MXD3: variants seen among roughly 807,000 people sequenced by gnomAD.
MXD3 encodes MAX dimerization protein 3, also known as Max-associated protein 3.
MXD3 carries 20 observed loss-of-function variants against 27.5 expected under a neutral mutation model. The observed-to-expected ratio is 0.73, with a 90% CI of 0.51 to 1.06. The LOEUF (loss-of-function observed/expected upper bound fraction) is 1.06. Ranked by LOEUF, MXD3 falls within the 50% of genes least tolerant of loss-of-function variation. The probability of loss-of-function intolerance (pLI) is 0.00; values close to 1 mark genes in which losing one functional copy is unlikely to be tolerated. For synonymous variants in MXD3, 150 were observed against 130.7 expected (o/e 1.15, Z -1.01); for missense variants, 298 against 291.3 (o/e 1.02, Z -0.17).
At chr5:177,311,680 C>T (rs1761043442) in intron 1 of MXD3, 81 bp downstream of exon 1, 9 of 1,455,810 alleles carry the variant, frequency 6.2e-6, no homozygotes, top group Non-Finnish European at 8.4e-6. Flanking sequence ...GCGGTGCATC[C>T]TTCAAGCTGG....
chr5:177,311,326 C>A (rs1021694053), intron 2 of MXD3, 53 bp downstream of exon 2: 1 of 1,258,404 alleles, frequency 7.9e-7, no homozygotes, highest in East Asian at 3.1e-5. Context: ...GAGGGCCCGA[C>A]CAGGGGCGGC....
chr5:177,311,816 G>A lies in MXD3; in HGVS notation c.15C>T (p.Ala5=). MEPL[A]SNIQVLLQAA... is the part of the protein sequence containing the mutation. The stretch of plus-strand genomic sequence containing the variant: ...CCTGCAGCAGGACCTGGATGTTGCT[G>A]GCCAAGGGTTCCATGTCGGCGACAG... The change falls in exon 1 of 6, where the codon GCC becomes GCT. Residue 5 remains alanine, a synonymous_variant. Coordinates refer to ENST00000439742, the MANE Select transcript of MXD3 (RefSeq NM_031300.4). 2 of 1,612,696 alleles carry A rather than the reference G, an allele frequency of 1.2e-6. No individual in the cohort carries two copies. The highest frequency in any genetic ancestry group is 1.7e-6 in the Non-Finnish European group (2 of 1,179,314).
chr5:177,305,954 T>G (rs779930452), downstream of MXD3: 2 of 1,614,174 alleles, frequency 1.2e-6, no homozygotes, highest in South Asian at 2.2e-5. Context: ...GGGTCTCCTC[T>G]AGCTTATTTG....
At chr5:177,311,638 A>G (rs747683541) in intron 1 of MXD3, 123 bp downstream of exon 1, 395 of 1,194,458 alleles carry the variant, frequency 3.3e-4, no homozygotes, top group Non-Finnish European at 4.3e-4. Flanking sequence ...TCTCGAGTTG[A>G]GGGCGAGGCG....
In MXD3 at chr5:177,307,916, G is replaced by A. The variant is rs765716696; in HGVS notation, c.370C>T (p.Arg124Cys). 2.4e-5 allele frequency: 38 copies of A among 1,594,682 alleles called. No homozygotes were observed. The highest frequency in any genetic ancestry group is 7.9e-5 in the South Asian group (7 of 88,922). Reference sequence around the variant, plus strand: ...CGCTGCAGGCTCTGCTGCTTGCTGCGCAGCCTCTCCTTGAGCTGTCGGGCC... The same window carrying A: ...CGCTGCAGGCTCTGCTGCTTGCTGCACAGCCTCTCCTTGAGCTGTCGGGCC... ...QRARQLKERL[R>C]SKQQSLQRQL... The change falls in exon 5 of 6, where the codon CGC becomes TGC. Residue 124 changes from arginine to cysteine, a missense_variant. Transcript: ENST00000439742.
At chr5:177,311,613 C>T in intron 1 of MXD3, 129 bp from the exon 2 acceptor site, 2 of 1,139,138 alleles carry the variant, frequency 1.8e-6, no homozygotes, top group South Asian at 1.7e-5. Context: ...CCCTGCTCTA[C>T]CGCCCCGGGA....
chr5:177,308,959 G>A (rs1475964470), intron 4 of MXD3, among the ~76,000 whole-genome samples: 2 of 152,178 alleles, frequency 1.3e-5, no homozygotes, highest in African/African-American at 2.4e-5. Flanking sequence ...GCTTACATTC[G>A]GTCATTCAAC....
chr5:177,306,836 T>G, downstream of MXD3: 1 of 728,510 alleles, frequency 1.4e-6, no homozygotes. Context: ...GCAGGTTAAC[T>G]GGCGGTAAGT....
In MXD3 at chr5:177,311,367, C is replaced by T. The variant is rs374638391; in HGVS notation, c.176+12G>A. On this transcript the variant is annotated intron_variant, in intron 2 of 5. Transcript: ENST00000439742. ...CCCCCACCCCCACTCCCGCCGCCCC[C>T]GGCCTCCTCACCGCCCGCTGTCCTG... The T allele has an allele frequency of 1.4e-6, 2 of 1,434,588 alleles. No homozygotes were observed. The highest frequency in any genetic ancestry group is 1.5e-5 in the South Asian group (1 of 65,502). 88.9% of individuals were successfully genotyped at this position (1,434,588 alleles called of 1,614,324 possible).
chr5:177,310,226 G>C (rs938347680), intron 4 of MXD3, among the ~76,000 whole-genome samples, 200 bp downstream of exon 4: 5 of 152,216 alleles, frequency 3.3e-5, no homozygotes, highest in African/African-American at 4.8e-5. Flanking sequence ...ACTCATTTAA[G>C]CCTCAACAAC....
chr5:177,305,783 G>A (rs188208293), downstream of MXD3: 73 of 1,064,956 alleles, frequency 6.9e-5, no homozygotes, highest in Non-Finnish European at 4.7e-5. Context: ...GTATTGCTTC[G>A]CCTCATGAAA....
chr5:177,311,506 C>T (rs1168451014), intron 1 of MXD3, 22 bp from the exon 2 acceptor site: 1 of 1,419,336 alleles, frequency 7.0e-7, no homozygotes, highest in East Asian at 2.7e-5. Flanking sequence ...AGTCCCCGCC[C>T]GCGTCAGGCT....
chr5:177,311,942 G>A, upstream of MXD3: 2 of 1,252,662 alleles, frequency 1.6e-6, no homozygotes, highest in African/African-American at 1.6e-5. Flanking sequence ...GGCCCGCCCC[G>A]CCCCCGGGAC....
In MXD3 at chr5:177,310,472, C is replaced by A; in HGVS notation, c.275G>T (p.Arg92Leu). ...QQMPLGADCARYTTLSLLRRA... is the reference protein window; with the variant it reads ...QQMPLGADCALYTTLSLLRRA... ...GCGCAGCAGGCTCAGCGTGGTGTAC[C>A]GGGCACAGTCGGCCCCCAGGGGCAT... is the stretch of plus-strand genomic sequence containing the variant. Residue 92 changes from arginine to leucine, a missense_variant, in exon 4 of 6, where the codon CGG (arginine) becomes CTG (leucine). Physicochemically the swap from Arg to Leu is moderately radical, Grantham distance 102. Transcript: ENST00000439742. 6.2e-7 allele frequency: 1 copy of A among 1,613,130 alleles called. No individual in the cohort carries two copies. The highest frequency in any genetic ancestry group is 1.7e-5 in the Admixed American group (1 of 59,954).
At chr5:177,312,305 G>A (rs1334429419), upstream of MXD3, 6 of 986,508 alleles carry the variant, frequency 6.1e-6, no homozygotes, top group East Asian at 5.7e-4. Flanking sequence ...CGGGGCCTCC[G>A]GCCGCCGCTC....
At chr5:177,312,218 CAT>C, upstream of MXD3, 1 of 991,422 alleles carries the variant, frequency 1.0e-6, no homozygotes, top group Non-Finnish European at 1.2e-6. Flanking sequence ...TAGCCCCCAA[CAT>C]AGCACGGCGC....
intron 2 of MXD3, chr5:177,311,067 G>A (rs972604672): frequency 1.9e-6 from 1 of 536,710 alleles, no homozygotes; most frequent in African/African-American, 1.9e-5. Flanking sequence ...GCTGGGGAGA[G>A]GAGAGAAGAG....
chr5:177,306,815 C>T, downstream of MXD3: 1 of 761,410 alleles, frequency 1.3e-6, no homozygotes, highest in South Asian at 1.9e-5. Context: ...GCCCGGGGCT[C>T]CAGGTAGCCT....
In MXD3 at chr5:177,307,845, C is replaced by T. The variant is rs1237594294; in HGVS notation, c.441G>A (p.Glu147=). 18 of 1,610,926 alleles carry T rather than the reference C, an allele frequency of 1.1e-5. No homozygotes were observed. The highest frequency in any genetic ancestry group is 1.4e-5 in the Non-Finnish European group (16 of 1,179,124). Residue 147 remains glutamate (E), a synonymous_variant, in exon 5 of 6, where the codon GAG becomes GAA. Transcript: ENST00000439742. ...LRGLAGAAER[E]RLRADSLDSS... ...AGTCCAGACTGTCCGCCCGCAGCCGCTCCCGCTCGGCCGCCCCTGCCAGCC... is the reference window on the plus strand; with the variant it reads ...AGTCCAGACTGTCCGCCCGCAGCCGTTCCCGCTCGGCCGCCCCTGCCAGCC...
Sources: allele counts gnomAD v4.1 joint callset (sites outside exome capture counted in the v4.1 genomes callset), GRCh38; gene constraint gnomAD v4.1.1; transcripts MANE v1.5; gene names NCBI Gene and HGNC (gene_info 2026-07-23, HGNC 2026-07-21).